The following PMF1 variants were observed in gnomAD, a reference collection of about 807,000 sequenced individuals.
PMF1 encodes the protein polyamine modulated factor 1, also known as polyamine-modulated factor 1.
Under a neutral mutation model 26.7 loss-of-function variants are expected in PMF1, and 21 were observed. The ratio of observed to expected loss-of-function variants is 0.79; its 90% CI spans 0.56 to 1.13. The LOEUF is 1.13. Ranked by LOEUF, PMF1 falls within the 50% of genes most tolerant of loss-of-function variation. The pLI, the probability that PMF1 is intolerant of heterozygous loss-of-function variation, is 0.00. For synonymous variants in PMF1, 105 were observed against 101.0 expected, an observed-to-expected ratio of 1.04 and a Z score of -0.24; for missense variants, 266 against 254.9, an observed-to-expected ratio of 1.04 and a Z score of -0.30.
intron 1 of PMF1, among the ~76,000 whole-genome samples, chr1:156,213,625 C>T (rs1294546728): frequency 1.3e-5 from 2 of 152,134 alleles, no homozygotes; most frequent in African/African-American, 4.8e-5. Context: ...CTCCCGCGCC[C>T]GGCTACAGAT....
chr1:156,213,202 A>C, intron 1 of PMF1, 26 bp downstream of exon 1: 1 of 1,607,626 alleles, frequency 6.2e-7, no homozygotes, highest in Non-Finnish European at 8.5e-7. Flanking sequence ...CCGCGGTGGG[A>C]GTGTTTGTTG....
intron 1 of PMF1, among the ~76,000 whole-genome samples, chr1:156,215,837 C>T (rs986091704): frequency 1.2e-4 from 18 of 152,100 alleles, no homozygotes; most frequent in Non-Finnish European, 1.8e-4. Flanking sequence ...TACAGGCATG[C>T]ACCACCATGC....
intron 1 of PMF1, chr1:156,223,299 T>A (rs1288562498): frequency 6.6e-6 from 1 of 152,238 alleles, no homozygotes; most frequent in Admixed American, 6.5e-5. Context: ...AGCAGCCAAG[T>A]GCATGTCCTA....
chr1:156,225,351 T>C (rs1245897205), intron 1 of PMF1, among the ~76,000 whole-genome samples: 2 of 145,020 alleles, frequency 1.4e-5, no homozygotes, highest in African/African-American at 5.1e-5. Flanking sequence ...TTTGGTTACA[T>C]GGATAAGTTC....
At chr1:156,225,724 G>T in intron 1 of PMF1, 1 of 822,810 alleles carries the variant, frequency 1.2e-6, no homozygotes, top group South Asian at 1.6e-5. Flanking sequence ...GTGATATTGT[G>T]TTACCCTCTT....
intron 1 of PMF1, among the ~76,000 whole-genome samples, chr1:156,227,381 G>A (rs1255818346): frequency 6.6e-6 from 1 of 151,814 alleles, no homozygotes; most frequent in Non-Finnish European, 1.5e-5. Context: ...GTAGGCACCT[G>A]TAATCCCAGC....
intron 1 of PMF1, chr1:156,225,726 T>C: frequency 1.2e-6 from 1 of 802,196 alleles, no homozygotes; most frequent in Non-Finnish European, 2.1e-6. Context: ...GATATTGTGT[T>C]ACCCTCTTTT....
chr1:156,227,687 G>A (rs1658445160), intron 1 of PMF1, among the ~76,000 whole-genome samples: 1 of 150,816 alleles, frequency 6.6e-6, no homozygotes, highest in South Asian at 2.1e-4. Flanking sequence ...TAGTAGAGAT[G>A]GGTTTTCTCC....
intron 1 of PMF1, among the ~76,000 whole-genome samples, chr1:156,224,993 G>A (rs560066757): frequency 2.0e-5 from 3 of 151,404 alleles, no homozygotes; most frequent in Admixed American, 6.6e-5. Context: ...TCCGCCTCCC[G>A]GGTTAAAGCG....
intron 1 of PMF1, among the ~76,000 whole-genome samples, chr1:156,229,585 T>G (rs1006084668): frequency 7.9e-5 from 12 of 151,878 alleles, no homozygotes; most frequent in Non-Finnish European, 1.8e-4. Context: ...TGTTTTTTTT[T>G]TTGAGATGGA....
intron 4 of PMF1, among the ~76,000 whole-genome samples, chr1:156,239,339 GAACCCA>G (rs1197323785): frequency 6.6e-6 from 1 of 152,176 alleles, no homozygotes; most frequent in African/African-American, 2.4e-5. Flanking sequence ...GGTGGTCACA[GAACCCA>G]GCTTGCTATA....
intron 2 of PMF1, 82 bp from the exon 3 acceptor site, chr1:156,233,546 A>T: frequency 7.1e-7 from 1 of 1,413,962 alleles, no homozygotes; most frequent in Non-Finnish European, 9.8e-7. Context: ...CCAAAATCTT[A>T]CCAAGTGCTG....
In PMF1 at chr1:156,236,308, A is replaced by G. The variant is rs1167465484; in HGVS notation, c.389A>G (p.Glu130Gly). ...EPAWRPSGIP[E>G]KDLHSVMAPY... is the part of the protein sequence containing the mutation. ...TCCAGGCGCCCCAGCGGGATCCCAG[A>G]GAAGGATCTGCACAGTGTTATGGCA... Residue 130 changes from glutamate to glycine, a missense_variant, in exon 4 of 5, where the codon GAG (glutamate) becomes GGG (glycine). Glu to Gly is a moderately conservative substitution (Grantham distance 98, BLOSUM62 -2). Transcript: ENST00000368277. 5 of 1,610,014 alleles carry G rather than the reference A, an allele frequency of 3.1e-6. No individual in the cohort carries two copies. The highest frequency in any genetic ancestry group is 4.2e-6 in the Non-Finnish European group (5 of 1,176,596).
chr1:156,225,215 A>T (rs376474901), intron 1 of PMF1, among the ~76,000 whole-genome samples: 6 of 150,358 alleles, frequency 4.0e-5, no homozygotes, highest in African/African-American at 1.5e-4. Flanking sequence ...ACATTTCTTA[A>T]TGAAATGGAC....
intron 1 of PMF1, among the ~76,000 whole-genome samples, chr1:156,219,165 C>T (rs941177545): frequency 2.6e-5 from 4 of 151,934 alleles, no homozygotes; most frequent in African/African-American, 9.7e-5. Flanking sequence ...GTGATTCGCC[C>T]GCCTCAGCCT....
In PMF1 at chr1:156,222,266, C is replaced by G. The variant is rs73006797; in HGVS notation, c.161+9090C>G. On this transcript the variant is annotated intron_variant, in intron 1 of 4. Transcript: ENST00000368277. ...CCTGCCTTCACCCCTGCCACCTTGT[C>G]TTCCCACTGCTGCTTCTCCTCAGTA... 9.1e-3 allele frequency among the ~76,000 whole-genome samples: 1,384 copies of G among 152,350 alleles called. 22 individuals carry two copies. Among genetic ancestry groups the G allele is most frequent in the African/African-American group, 0.032 (1,332 of 41,572 alleles).
intron 4 of PMF1, among the ~76,000 whole-genome samples, chr1:156,239,184 T>A (rs902804782): frequency 6.6e-6 from 1 of 152,208 alleles, no homozygotes; most frequent in Non-Finnish European, 1.5e-5. Context: ...ACATGGGCAA[T>A]TTCCATGTCT....
Position 156,233,725 on chromosome 1 carries a change from C to T in PMF1, c.365C>T (p.Ala122Val). 2 of 1,613,196 alleles carry T rather than the reference C, an allele frequency of 1.2e-6. No homozygotes were observed. Among genetic ancestry groups the T allele is most frequent in the South Asian group, 1.1e-5 (1 of 91,046 alleles). The change falls in exon 3 of 5, where the codon GCC (alanine) becomes GTC (valine). Residue 122 changes from alanine (A) to valine (V), a missense_variant. By Grantham distance (64) the Ala-to-Val change is moderately conservative. Transcript: ENST00000368277. Reference protein sequence around the residue: ...VEEGKVRKEPAWRPSGIPEKD... With the variant: ...VEEGKVRKEPVWRPSGIPEKD... ...GAAGGCAAAGTCCGCAAAGAGCCAG[C>T]CTGGTGAGAGTGGGGTGGGGAGGTG...
intron 1 of PMF1, among the ~76,000 whole-genome samples, chr1:156,231,543 A>G (rs1658707955): frequency 6.6e-6 from 1 of 151,994 alleles, no homozygotes; most frequent in Non-Finnish European, 1.5e-5. Context: ...TCTCTACTAA[A>G]AATACAAAAA....
Sources: gnomAD v4.1 joint callset for allele counts (sites outside exome capture counted in the v4.1 genomes callset) on GRCh38, gnomAD v4.1.1 for gene constraint, MANE v1.5 for transcripts, NCBI Gene and HGNC (gene_info 2026-07-23, HGNC 2026-07-21) for gene names.